CNBD1: variants seen among roughly 807,000 people sequenced by gnomAD.
CNBD1 encodes the protein cyclic nucleotide binding domain containing 1.
In CNBD1, 71 loss-of-function variants were observed where a neutral mutation model predicts 54.4. The ratio of observed to expected loss-of-function variants is 1.30; its 90% confidence interval spans 1.08 to 1.59. The LOEUF is 1.59. Among genes scored for constraint, CNBD1 ranks in the 40% most tolerant of loss-of-function variants. CNBD1 has a pLI of 0.00. For synonymous variants in CNBD1, 182 were observed against 170.7 expected, an observed-to-expected ratio of 1.07 and a Z score of -0.51; for missense variants, 659 against 518.0, an observed-to-expected ratio of 1.27 and a Z score of -2.64.
At chr8:87,066,018 T>C (rs955753544) in intron 4 of CNBD1, among the ~76,000 whole-genome samples, 12 of 151,994 alleles carry the variant, frequency 7.9e-5, no homozygotes, top group African/African-American at 2.9e-4. Flanking sequence ...TAGCAACATT[T>C]GACAGTTAAT....
intron 10 of CNBD1, among the ~76,000 whole-genome samples, chr8:87,356,684 C>A (rs1354842451): frequency 6.6e-6 from 1 of 152,118 alleles, no homozygotes; most frequent in Non-Finnish European, 1.5e-5. Context: ...AAAATTCACA[C>A]TCTAGCTATG....
chr8:87,266,421 T>TAA lies in CNBD1; in HGVS notation c.772-18243_772-18242dup, dbSNP rs541109611. On this transcript the variant is annotated intron_variant, in intron 6 of 10. Coordinates refer to ENST00000518476, the MANE Select transcript of CNBD1 (RefSeq NM_173538.3). ...AGCAATTCCAAAAATGAGGTCCAAG[T>TAA]AAAAAAAAAAAAAAATCTTTTTTTT... Among the ~76,000 whole-genome samples, 64 of 72,826 alleles carry TAA rather than the reference T, an allele frequency of 8.8e-4. 1 individual carries two copies. Among genetic ancestry groups the TAA allele is most frequent in the Non-Finnish European group, 1.1e-3 (45 of 41,730 alleles). 47.8% of individuals were successfully genotyped at this position (72,826 alleles called of 152,430 possible).
At chr8:86,947,232 G>T (rs756199698) in intron 4 of CNBD1, among the ~76,000 whole-genome samples, 5 of 152,066 alleles carry the variant, frequency 3.3e-5, no homozygotes, top group Admixed American at 1.3e-4. Flanking sequence ...GAAAATGGTG[G>T]TTTAGTTGGT....
At position 87,122,798 on chromosome 8, in the gene CNBD1, G is replaced by A. The variant is rs549991536; in HGVS notation, c.432-83195G>A. ...ATGTGGATATTCAGCTTTCCCAAGA[G>A]CATAATCTGAAGACAGTGTTTTTCC... On this transcript the variant is annotated intron_variant, in intron 4 of 10. Transcript: ENST00000518476. Among the ~76,000 whole-genome samples the A allele has an allele frequency of 2.0e-5, 3 of 151,964 alleles. No individual in the cohort carries two copies. In the South Asian group the frequency reaches 6.2e-4, roughly 32 times the overall value.
At chr8:87,128,788 A>T (rs1176253891) in intron 4 of CNBD1, among the ~76,000 whole-genome samples, 1 of 151,564 alleles carries the variant, frequency 6.6e-6, no homozygotes, top group Non-Finnish European at 1.5e-5. Context: ...GGTGTTAAGA[A>T]TTTTGCTATG....
At chr8:86,993,058 C>T (rs1168076727) in intron 4 of CNBD1, among the ~76,000 whole-genome samples, 2 of 152,056 alleles carry the variant, frequency 1.3e-5, no homozygotes, top group South Asian at 4.2e-4. Context: ...TTCCAAGTTG[C>T]TTACTCTCTC....
At chr8:87,057,252 C>G (rs1368266074) in intron 4 of CNBD1, among the ~76,000 whole-genome samples, 1 of 152,098 alleles carries the variant, frequency 6.6e-6, no homozygotes, top group African/African-American at 2.4e-5. Context: ...AGGAAACTTA[C>G]AGTCATGGTG....
intron 6 of CNBD1, among the ~76,000 whole-genome samples, chr8:87,259,756 A>G: frequency 6.6e-6 from 1 of 152,178 alleles, no homozygotes; most frequent in Non-Finnish European, 1.5e-5. Flanking sequence ...GAGCCAGGAA[A>G]GGCTCTCTGG....
intron 2 of CNBD1, among the ~76,000 whole-genome samples, chr8:87,421,352 C>T (rs1224728315): frequency 1.3e-5 from 2 of 150,700 alleles, no homozygotes; most frequent in East Asian, 3.9e-4. Flanking sequence ...TATACATGTG[C>T]CATGCTGGTG....
chr8:87,287,403 A>G (rs1157978173), intron 8 of CNBD1, among the ~76,000 whole-genome samples: 2 of 152,184 alleles, frequency 1.3e-5, no homozygotes, highest in Non-Finnish European at 2.9e-5. Flanking sequence ...CAGAGAGAGG[A>G]TGGCGACCTC....
At chr8:87,385,819 C>T (rs138622618), downstream of CNBD1, among the ~76,000 whole-genome samples, 5,217 of 152,240 alleles carry the variant, frequency 0.034, 280 homozygotes, top group African/African-American at 0.12. Flanking sequence ...AGACTGCCTC[C>T]TCAAGTGGGT....
At chr8:87,072,941 C>T (rs1477572424) in intron 4 of CNBD1, among the ~76,000 whole-genome samples, 3 of 152,134 alleles carry the variant, frequency 2.0e-5, no homozygotes, top group African/African-American at 7.2e-5. Flanking sequence ...CTTTCAGGCA[C>T]CCCAATCTGT....
At chr8:87,376,074 C>G (rs1055680391) in intron 10 of CNBD1, among the ~76,000 whole-genome samples, 1 of 151,810 alleles carries the variant, frequency 6.6e-6, no homozygotes, top group African/African-American at 2.4e-5. Context: ...CTTTTTAGTT[C>G]AAAGATTCAG....
At chr8:87,198,895 A>T (rs1487659146) in intron 4 of CNBD1, among the ~76,000 whole-genome samples, 1 of 152,206 alleles carries the variant, frequency 6.6e-6, no homozygotes, top group Admixed American at 6.5e-5. Context: ...GCTTTACAGG[A>T]AGCCTGGTGC....
chr8:87,382,439 A>G (rs1811096995), intron 10 of CNBD1, among the ~76,000 whole-genome samples, 181 bp from the exon 11 acceptor site: 1 of 152,070 alleles, frequency 6.6e-6, no homozygotes, highest in Non-Finnish European at 1.5e-5. Context: ...AAATGTCATT[A>G]GAGGGGGTGT....
chr8:87,090,996 C>A (rs568286459), intron 4 of CNBD1, among the ~76,000 whole-genome samples: 1 of 151,916 alleles, frequency 6.6e-6, no homozygotes, highest in South Asian at 2.1e-4. Flanking sequence ...AAAAATTAGC[C>A]GGGCATGGTG....
At position 87,148,084 on chromosome 8, in the gene CNBD1, A is replaced by G. The variant is rs192100362; in HGVS notation, c.432-57909A>G. ...ACTGTCAAATAGGAGATATTCATAT[A>G]TGCATTCCAATAGCAATCAGTTGAA... On this transcript the variant is annotated intron_variant, in intron 4 of 10. Coordinates refer to ENST00000518476, the MANE Select transcript of CNBD1 (RefSeq NM_173538.3). Among the ~76,000 whole-genome samples, 575 of 152,328 alleles carry G rather than the reference A, an allele frequency of 3.8e-3. 3 individuals are homozygous for G. Among genetic ancestry groups the G allele is most frequent in the African/African-American group, 0.013 (547 of 41,588 alleles).
At chr8:86,884,400 G>A (rs900645766) in intron 1 of CNBD1, among the ~76,000 whole-genome samples, 6 of 152,030 alleles carry the variant, frequency 3.9e-5, no homozygotes, top group African/African-American at 7.2e-5. Context: ...GGTTTATTTA[G>A]TCACCCTTTT....
At chr8:87,288,678 T>A (rs1159281704) in intron 8 of CNBD1, among the ~76,000 whole-genome samples, 1 of 152,096 alleles carries the variant, frequency 6.6e-6, no homozygotes, top group African/African-American at 2.4e-5. Flanking sequence ...AAGTTCTTTT[T>A]TGTAAATATC....
Sources: gnomAD v4.1 joint callset for allele counts (sites outside exome capture counted in the v4.1 genomes callset) on GRCh38, gnomAD v4.1.1 for gene constraint, MANE v1.5 for transcripts, NCBI Gene and HGNC (gene_info 2026-07-23, HGNC 2026-07-21) for gene names.